Variants in PPP6R2 observed in about 807,000 individuals in gnomAD.
The protein encoded by PPP6R2 is protein phosphatase 6 regulatory subunit 2.
In PPP6R2, 62 loss-of-function variants were observed where a neutral mutation model predicts 100.2. The observed-to-expected ratio is 0.62, with a 90% confidence interval of 0.50 to 0.76. The LOEUF (loss-of-function observed/expected upper bound fraction) is 0.76, where lower values mean the gene tolerates loss of function less well. Ranked by LOEUF, PPP6R2 falls within the 30% of genes least tolerant of loss-of-function variation. The pLI is 0.00. For synonymous variants in PPP6R2, 525 were observed against 514.7 expected (o/e 1.02, Z -0.27); for missense variants, 1,142 against 1,276.3 (o/e 0.89, Z 1.60).
chr22:50,388,051 C>T (rs1349660742), intron 2 of PPP6R2, among the ~76,000 whole-genome samples: 1 of 151,938 alleles, frequency 6.6e-6, no homozygotes, highest in Non-Finnish European at 1.5e-5. Context: ...TGCTGTAATC[C>T]CAGTGCTCAT....
At chr22:50,376,160 T>C (rs1306694962) in intron 2 of PPP6R2, among the ~76,000 whole-genome samples, 6 of 151,942 alleles carry the variant, frequency 3.9e-5, no homozygotes, top group Non-Finnish European at 5.9e-5. Context: ...CACTCTGAGT[T>C]AAAACCAGTA....
At chr22:50,435,537 TAAG>T (rs1200046597) in intron 13 of PPP6R2, among the ~76,000 whole-genome samples, 1 of 152,168 alleles carries the variant, frequency 6.6e-6, no homozygotes. Context: ...GCCTGTTTCT[TAAG>T]AACGCAGTGG....
chr22:50,417,758 A>G (rs975402945), intron 6 of PPP6R2, among the ~76,000 whole-genome samples: 11 of 152,158 alleles, frequency 7.2e-5, no homozygotes, highest in African/African-American at 2.7e-4. Context: ...ACTGGAGCCC[A>G]CCCATGCATG....
intron 22 of PPP6R2, 179 bp from the exon 23 acceptor site, chr22:50,443,687 C>CGCT: frequency 1.2e-6 from 1 of 826,732 alleles, no homozygotes; most frequent in Non-Finnish European, 1.8e-6. Flanking sequence ...GAACTTGGGG[C>CGCT]AGCAGAGCTG....
chr22:50,404,483 C>T (rs796562251), intron 3 of PPP6R2, among the ~76,000 whole-genome samples: 8 of 151,836 alleles, frequency 5.3e-5, no homozygotes, highest in East Asian at 1.9e-4. Context: ...CTCTGCCTCC[C>T]GGGCTCAAGC....
chr22:50,422,409 C>G, intron 9 of PPP6R2, 29 bp downstream of exon 9: 4 of 1,610,906 alleles, frequency 2.5e-6, no homozygotes, highest in Non-Finnish European at 3.4e-6. Flanking sequence ...TGCTGAGTGC[C>G]TTTGGAGGCG....
chr22:50,347,826 C>T (rs924294638), intron 1 of PPP6R2, among the ~76,000 whole-genome samples: 1 of 152,178 alleles, frequency 6.6e-6, no homozygotes, highest in Non-Finnish European at 1.5e-5. Flanking sequence ...CGACACTGTT[C>T]ACTGTTCACT....
At chr22:50,386,120 C>T (rs114374845) in intron 2 of PPP6R2, among the ~76,000 whole-genome samples, 244 of 150,240 alleles carry the variant, frequency 1.6e-3, no homozygotes, top group African/African-American at 5.8e-3. Context: ...CCACTGCGCC[C>T]GGACAAGGTT....
Position 50,372,032 on chromosome 22 carries a change from T to C in PPP6R2, c.-135T>C, listed in dbSNP as rs543296252. ...TCTTATTTTTCAGGTAAAGAGATTA[T>C]AAATCTTCCACTGAATGAAAAAAAT... On this transcript the variant is annotated 5_prime_UTR_variant, in exon 2 of 24. Coordinates refer to ENST00000612753, the MANE Select transcript of PPP6R2 (RefSeq NM_001242898.2). 6.6e-6 allele frequency: 1 copy of C among 152,314 alleles called. No individual in the cohort carries two copies. The highest frequency in any genetic ancestry group is 2.4e-5 in the African/African-American group (1 of 41,576). The allele number at this position is 152,314 out of a possible 1,614,324, so 9.4% of individuals were successfully genotyped here.
intron 2 of PPP6R2, among the ~76,000 whole-genome samples, chr22:50,373,436 C>G (rs1227504370): frequency 1.3e-5 from 2 of 151,242 alleles, no homozygotes; most frequent in African/African-American, 4.9e-5. Context: ...GTAGAGACGG[C>G]ATTTCACCAT....
At chr22:50,350,323 C>T (rs548945556) in intron 1 of PPP6R2, among the ~76,000 whole-genome samples, 104 of 151,262 alleles carry the variant, frequency 6.9e-4, no homozygotes, top group African/African-American at 2.4e-3. Flanking sequence ...CTCTGCCTCC[C>T]GAGTTCAAGC....
chr22:50,398,171 T>C (rs948615420), intron 3 of PPP6R2, among the ~76,000 whole-genome samples: 14 of 150,360 alleles, frequency 9.3e-5, no homozygotes, highest in African/African-American at 2.9e-4. Flanking sequence ...CATCTCTTTT[T>C]TTTTTTTTTT....
At chr22:50,352,034 A>T (rs977333061) in intron 1 of PPP6R2, among the ~76,000 whole-genome samples, 1 of 151,682 alleles carries the variant, frequency 6.6e-6, no homozygotes, top group African/African-American at 2.4e-5. Flanking sequence ...TGACCTCATG[A>T]TCCGCCTGCC....
chr22:50,359,560 C>G (rs2047377287), intron 1 of PPP6R2, among the ~76,000 whole-genome samples: 2 of 151,984 alleles, frequency 1.3e-5, no homozygotes. Flanking sequence ...TATATTTTGT[C>G]AGATGCTTTT....
chr22:50,436,536 G>A (rs2064313593), intron 14 of PPP6R2, 84 bp downstream of exon 14: 1 of 1,367,236 alleles, frequency 7.3e-7, no homozygotes, highest in Admixed American at 2.0e-5. Context: ...CTGAGGCAGA[G>A]GCCAAGGGAG....
intron 1 of PPP6R2, among the ~76,000 whole-genome samples, chr22:50,348,567 T>C (rs1048230330): frequency 6.6e-6 from 1 of 152,000 alleles, no homozygotes; most frequent in African/African-American, 2.4e-5. Context: ...ATTAGGGTGG[T>C]GTCAGGGCTG....
intron 8 of PPP6R2, among the ~76,000 whole-genome samples, chr22:50,420,375 C>T (rs573108881): frequency 1.3e-5 from 2 of 152,288 alleles, no homozygotes; most frequent in East Asian, 1.9e-4. Flanking sequence ...GACCCCACAT[C>T]GCTGTCCTGA....
intron 2 of PPP6R2, among the ~76,000 whole-genome samples, chr22:50,380,564 T>C (rs1198942125): frequency 6.6e-6 from 1 of 150,900 alleles, no homozygotes; most frequent in Non-Finnish European, 1.5e-5. Context: ...TTTCACTACG[T>C]TGGCCGGGCT....
intron 2 of PPP6R2, among the ~76,000 whole-genome samples, chr22:50,386,846 G>A (rs920319258): frequency 2.6e-5 from 4 of 152,098 alleles, no homozygotes; most frequent in African/African-American, 9.7e-5. Flanking sequence ...CTGAAGGAGG[G>A]TGGCCATGTA....
Sources: gnomAD v4.1 joint callset for allele counts (sites outside exome capture counted in the v4.1 genomes callset) on GRCh38, gnomAD v4.1.1 for gene constraint, MANE v1.5 for transcripts, NCBI Gene and HGNC (gene_info 2026-07-23, HGNC 2026-07-21) for gene names.